Variants in PPP1R9A observed in about 807,000 individuals in gnomAD.
PPP1R9A encodes the protein neurabin-1.
Under a neutral mutation model 141.9 loss-of-function variants are expected in PPP1R9A, and 59 were observed. The observed-to-expected ratio is 0.42, with a 90% confidence interval of 0.34 to 0.52. The LOEUF (loss-of-function observed/expected upper bound fraction) is 0.52, where lower values mean the gene tolerates loss of function less well. Among genes scored for constraint, PPP1R9A ranks in the 20% least tolerant of loss-of-function variants. The probability of loss-of-function intolerance (pLI) is 0.10; values close to 1 mark genes in which losing one functional copy is unlikely to be tolerated. For missense variants in PPP1R9A, 1,444 were observed against 1,611.9 expected, an observed-to-expected ratio of 0.90 and a Z score of 1.78; for synonymous variants, 500 against 569.7, an observed-to-expected ratio of 0.88 and a Z score of 1.74.
chr7:94,917,065 G>A (rs974876134), intron 2 of PPP1R9A, among the ~76,000 whole-genome samples: 1 of 152,058 alleles, frequency 6.6e-6, no homozygotes, highest in East Asian at 1.9e-4. Context: ...ATCTGACCGC[G>A]TTGGCCTCCC....
Position 95,019,176 on chromosome 7 carries a change from C to G in PPP1R9A, c.1396-92083C>G, listed in dbSNP as rs910551215. ...TTGGGAGGCCAAGGCAGGCAGATCACTTGAGGTTAGGAGTTCGAGACCAGC... is the reference window on the plus strand; with the variant it reads ...TTGGGAGGCCAAGGCAGGCAGATCAGTTGAGGTTAGGAGTTCGAGACCAGC... On this transcript the variant is annotated intron_variant, in intron 2 of 19. Transcript: ENST00000433360. Among the ~76,000 whole-genome samples, 5 of 152,178 alleles carry G rather than the reference C, an allele frequency of 3.3e-5. No individual in the cohort carries two copies. The East Asian group carries it at 9.6e-4, about 29-fold the overall frequency.
chr7:95,110,962 A>G (rs1820448405), intron 2 of PPP1R9A, among the ~76,000 whole-genome samples: 1 of 152,238 alleles, frequency 6.6e-6, no homozygotes, highest in African/African-American at 2.4e-5. Flanking sequence ...TCCAGCTAAT[A>G]TGATTCATTC....
At chr7:95,207,052 C>T (rs968208206) in intron 7 of PPP1R9A, among the ~76,000 whole-genome samples, 1 of 151,406 alleles carries the variant, frequency 6.6e-6, no homozygotes, top group Non-Finnish European at 1.5e-5. Context: ...ATTTATGTTA[C>T]TTTTCAGAAG....
chr7:94,982,389 G>A (rs1467003492), intron 2 of PPP1R9A, among the ~76,000 whole-genome samples: 1 of 152,158 alleles, frequency 6.6e-6, no homozygotes, highest in African/African-American at 2.4e-5. Flanking sequence ...AGATCCTTGA[G>A]GAATTGCCAC....
chr7:94,954,524 A>G (rs1435577260), intron 2 of PPP1R9A, among the ~76,000 whole-genome samples: 2 of 151,884 alleles, frequency 1.3e-5, no homozygotes, highest in Non-Finnish European at 2.9e-5. Context: ...TTTATTTGCA[A>G]TATTTTTGTG....
At chr7:95,247,670 A>G (rs1255310240) in intron 9 of PPP1R9A, 144 bp downstream of exon 9, 1 of 618,894 alleles carries the variant, frequency 1.6e-6, no homozygotes, top group Admixed American at 3.4e-5. Context: ...TCAGGTACGT[A>G]GACAAACCTG....
At chr7:95,076,096 T>C (rs1406963077) in intron 2 of PPP1R9A, among the ~76,000 whole-genome samples, 1 of 152,128 alleles carries the variant, frequency 6.6e-6, no homozygotes, top group East Asian at 1.9e-4. Flanking sequence ...ACAGATCGGG[T>C]CTCACTCTGT....
At chr7:94,981,262 C>T (rs919113793) in intron 2 of PPP1R9A, among the ~76,000 whole-genome samples, 9 of 152,156 alleles carry the variant, frequency 5.9e-5, no homozygotes, top group African/African-American at 2.2e-4. Context: ...GAGACACAGT[C>T]TCACTCTGTC....
chr7:95,207,597 A>G (rs1370803114), intron 7 of PPP1R9A, among the ~76,000 whole-genome samples: 1 of 152,192 alleles, frequency 6.6e-6, no homozygotes, highest in African/African-American at 2.4e-5. Context: ...ATGGTTTAAC[A>G]TTGGAAAATC....
intron 2 of PPP1R9A, among the ~76,000 whole-genome samples, chr7:94,911,860 A>G (rs925116231): frequency 3.3e-5 from 5 of 152,204 alleles, no homozygotes; most frequent in Admixed American, 3.3e-4. Flanking sequence ...ACCTAAAATT[A>G]TTCATAAATA....
At chr7:95,141,453 T>C (rs1157932523) in intron 4 of PPP1R9A, among the ~76,000 whole-genome samples, 48 of 152,146 alleles carry the variant, frequency 3.2e-4, no homozygotes, top group Admixed American at 3.1e-3. Context: ...TTTAGAATTT[T>C]TACCACCCAA....
intron 1 of PPP1R9A, chr7:94,907,989 C>T (rs1391219328): frequency 2.7e-5 from 4 of 148,974 alleles, no homozygotes; most frequent in East Asian, 2.0e-4. Flanking sequence ...AGCCGCCCTA[C>T]GCGCTGCGCC....
At position 95,225,952 on chromosome 7, in the gene PPP1R9A, T is replaced by A. The variant is rs769850558; in HGVS notation, c.1957-9T>A. 6 of 1,590,396 alleles carry A rather than the reference T, an allele frequency of 3.8e-6. No individual in the cohort carries two copies. In the African/African-American group the frequency reaches 8.0e-5, roughly 21 times the overall value. On this transcript the variant is annotated splice_polypyrimidine_tract_variant and intron_variant, in intron 7 of 19. Transcript: ENST00000433360. Reference sequence around the variant, plus strand: ...GACAGCTGGATTTCTGAAATCCCCTTCCTTTCAGACAGGAGAATATGCCAC... The same window carrying A: ...GACAGCTGGATTTCTGAAATCCCCTACCTTTCAGACAGGAGAATATGCCAC...
In PPP1R9A at chr7:95,273,947, T is replaced by C. The variant is rs770388864; in HGVS notation, c.3173T>C (p.Val1058Ala). The stretch of plus-strand genomic sequence containing the variant: ...CTAAGGGCATCCAGTTCATTGGCGG[T>C]GCAAGGAGGAAAAATTAAGCGGAAG... ...KSLRASSSLA[V>A]QGGKIKRKFV... is the part of the protein sequence containing the mutation. The change falls in exon 15 of 20, where the codon GTG becomes GCG. Residue 1058 changes from valine to alanine, a missense_variant. Coordinates refer to ENST00000433360, the MANE Select transcript of PPP1R9A (RefSeq NM_001166160.2). 1 of 1,504,404 alleles carries C rather than the reference T, an allele frequency of 6.6e-7. No individual in the cohort carries two copies. The highest frequency in any genetic ancestry group is 9.1e-7 in the Non-Finnish European group (1 of 1,095,114). 93.2% of individuals were successfully genotyped at this position (1,504,404 alleles called of 1,614,324 possible).
intron 2 of PPP1R9A, among the ~76,000 whole-genome samples, chr7:95,069,259 A>G (rs1813422507): frequency 6.6e-6 from 1 of 152,164 alleles, no homozygotes; most frequent in Non-Finnish European, 1.5e-5. Flanking sequence ...GGAGGACAAG[A>G]ATCAGAAATG....
At chr7:95,250,792 G>T (rs981697380) in intron 10 of PPP1R9A, among the ~76,000 whole-genome samples, 1 of 152,136 alleles carries the variant, frequency 6.6e-6, no homozygotes, top group African/African-American at 2.4e-5. Context: ...TCCTTTCACT[G>T]CAGGGAGAGA....
intron 7 of PPP1R9A, among the ~76,000 whole-genome samples, chr7:95,216,703 C>G (rs2152929953): frequency 6.6e-6 from 1 of 152,186 alleles, no homozygotes; most frequent in African/African-American, 2.4e-5. Context: ...GTTGGGATTC[C>G]TAGGTATTTT....
chr7:95,191,511 A>T (rs1218289828), intron 5 of PPP1R9A, among the ~76,000 whole-genome samples: 1 of 152,110 alleles, frequency 6.6e-6, no homozygotes, highest in Non-Finnish European at 1.5e-5. Flanking sequence ...TCTGTAATAT[A>T]TTATTGTTAA....
At chr7:94,920,369 T>G (rs556764863) in intron 2 of PPP1R9A, among the ~76,000 whole-genome samples, 2 of 150,268 alleles carry the variant, frequency 1.3e-5, no homozygotes, top group East Asian at 3.9e-4. Flanking sequence ...ATTGATAATT[T>G]TTTTTTTTTT....
Sources: allele counts gnomAD v4.1 joint callset (sites outside exome capture counted in the v4.1 genomes callset), GRCh38; gene constraint gnomAD v4.1.1; transcripts MANE v1.5; gene names NCBI Gene and HGNC (gene_info 2026-07-23, HGNC 2026-07-21).